Variants in ADGRG1 observed in about 807,000 individuals in gnomAD.
ADGRG1 encodes 7-transmembrane protein with no EGF-like N-terminal domains-1.
In ADGRG1, 53 loss-of-function variants were observed where a neutral mutation model predicts 73.5. The observed-to-expected ratio is 0.72, with a 90% CI of 0.58 to 0.91. The LOEUF (loss-of-function observed/expected upper bound fraction) is 0.91. Among genes scored for constraint, ADGRG1 ranks in the 40% least tolerant of loss-of-function variants. The probability of loss-of-function intolerance (pLI) is 0.00; values close to 1 mark genes in which losing one functional copy is unlikely to be tolerated. For missense variants in ADGRG1, 795 were observed against 871.8 expected (o/e 0.91, Z 1.11); for synonymous variants, 394 against 374.4 (o/e 1.05, Z -0.60).
At chr16:57,656,442 C>T in intron 8 of ADGRG1, 72 bp from the exon 9 acceptor site, 1 of 1,595,744 alleles carries the variant, frequency 6.3e-7, no homozygotes, top group South Asian at 1.1e-5. Flanking sequence ...CACAGTCGTG[C>T]TTTTGGGGGT....
intron 1 of ADGRG1, chr16:57,646,768 T>G (rs2148032220): frequency 1.1e-6 from 1 of 918,214 alleles, no homozygotes; most frequent in East Asian, 1.2e-4. Flanking sequence ...TGTCCGCATC[T>G]GTAAAATGGT....
At chr16:57,630,366 A>G in intron 1 of ADGRG1, 1 of 985,224 alleles carries the variant, frequency 1.0e-6, no homozygotes, top group Non-Finnish European at 1.2e-6. Context: ...GCCAGACCTG[A>G]CCCCTTCTTT....
upstream of ADGRG1, chr16:57,628,225 C>T (rs776525460): frequency 1.7e-5 from 16 of 966,170 alleles, no homozygotes; most frequent in Non-Finnish European, 1.7e-5. Flanking sequence ...CAGGAAAGGG[C>T]AGTTGTCGCC....
chr16:57,623,238 G>C, upstream of ADGRG1: 2 of 985,206 alleles, frequency 2.0e-6, no homozygotes, highest in Non-Finnish European at 2.4e-6. Flanking sequence ...AGAACCTTCC[G>C]GGGGTGGGGT....
At chr16:57,634,859 G>A (rs17325433) in intron 1 of ADGRG1, 7,829 of 565,226 alleles carry the variant, frequency 0.014, 59 homozygotes, top group African/African-American at 0.028. Context: ...CTTTCTAGCC[G>A]CATCAGGCCA....
chr16:57,628,625 T>C (rs188611910), upstream of ADGRG1: 127 of 985,468 alleles, frequency 1.3e-4, no homozygotes, highest in African/African-American at 2.1e-3. Flanking sequence ...GGTCCCTCCC[T>C]CTCCGCACTA....
intron 1 of ADGRG1, chr16:57,633,393 C>A (rs2038509982): frequency 2.0e-6 from 2 of 985,420 alleles, no homozygotes. Flanking sequence ...GTCTCTGATA[C>A]CTAAATGCGG....
At chr16:57,620,535 C>T (rs527405003), upstream of ADGRG1, among the ~76,000 whole-genome samples, 1 of 152,306 alleles carries the variant, frequency 6.6e-6, no homozygotes, top group East Asian at 1.9e-4. Flanking sequence ...TGAGCAGCTT[C>T]CTCCTGGGAT....
Position 57,651,892 on chromosome 16 carries a change from C to A in ADGRG1, c.487+270C>A, listed in dbSNP as rs999112072. ...TGAGGATGGAAGGGCAAGGGCCCGTCCTGAGGCTGCAGAGAAGGTCTTGGT... is the reference window on the plus strand; with the variant it reads ...TGAGGATGGAAGGGCAAGGGCCCGTACTGAGGCTGCAGAGAAGGTCTTGGT... On this transcript the variant is annotated intron_variant, in intron 3 of 13. Transcript: ENST00000562631. 3.6e-5 allele frequency: 51 copies of A among 1,405,788 alleles called. No homozygotes were observed. The Middle Eastern group carries it at 7.9e-4, about 22-fold the overall frequency. The allele number at this position is 1,405,788 out of a possible 1,614,324, so 87.1% of individuals were successfully genotyped here.
intron 11 of ADGRG1, 22 bp downstream of exon 11, chr16:57,659,703 G>T: frequency 6.2e-7 from 1 of 1,612,412 alleles, no homozygotes. Flanking sequence ...GGCGGGGGGT[G>T]CCTCAGACCT....
At chr16:57,660,135 T>C (rs2046728613) in intron 11 of ADGRG1, 1 of 385,446 alleles carries the variant, frequency 2.6e-6, no homozygotes, top group Non-Finnish European at 3.6e-6. Flanking sequence ...TCAATTCACC[T>C]GTGGCCAGCC....
At chr16:57,622,349 G>A (rs964946347) in intron 2 of ADGRG1, among the ~76,000 whole-genome samples, 1 of 152,124 alleles carries the variant, frequency 6.6e-6, no homozygotes, top group Admixed American at 6.5e-5. Flanking sequence ...GTGGAGTGAT[G>A]GGCAGTTTTG....
intron 1 of ADGRG1, chr16:57,646,239 C>G: frequency 3.3e-6 from 1 of 299,110 alleles, no homozygotes; most frequent in Non-Finnish European, 4.9e-6. Flanking sequence ...TGGCTCCACA[C>G]GGAAGTGACT....
At chr16:57,653,136 G>C (rs2044543178) in intron 3 of ADGRG1, 67 bp from the exon 4 acceptor site, 1 of 1,598,166 alleles carries the variant, frequency 6.3e-7, no homozygotes, top group Non-Finnish European at 8.5e-7. Flanking sequence ...GTGGTAGGGG[G>C]CAGAATGGGA....
chr16:57,634,639 AC>A, intron 1 of ADGRG1: 1 of 225,050 alleles, frequency 4.4e-6, no homozygotes, highest in Non-Finnish European at 7.4e-6. Flanking sequence ...TCCCCAGAGT[AC>A]CACAGATGGC....
At chr16:57,630,389 C>A (rs774261818) in intron 1 of ADGRG1, 10 of 985,610 alleles carry the variant, frequency 1.0e-5, no homozygotes, top group Non-Finnish European at 1.2e-5. Context: ...TGCAGGGACC[C>A]GAGATATGCA....
intron 11 of ADGRG1, 115 bp from the exon 12 acceptor site, chr16:57,660,653 G>A: frequency 6.6e-7 from 1 of 1,523,678 alleles, no homozygotes; most frequent in Non-Finnish European, 8.9e-7. Flanking sequence ...GGCTGGGTGG[G>A]CTTCAGGAGC....
Position 57,641,385 on chromosome 16 carries a change from C to T in ADGRG1, c.-35-8868C>T, listed in dbSNP as rs139500879. On this transcript the variant is annotated intron_variant, in intron 1 of 13. Transcript: ENST00000562631. ...GGCCAGGTGGAGACTTGGCCATGAACCTCTACGTGGCTGCAGACCACCCCA... is the reference window on the plus strand; with the variant it reads ...GGCCAGGTGGAGACTTGGCCATGAATCTCTACGTGGCTGCAGACCACCCCA... The T allele has an allele frequency of 1.9e-4, 183 of 981,164 alleles. No individual in the cohort carries two copies. In the African/African-American group the frequency reaches 2.5e-3, roughly 13 times the overall value. The allele number at this position is 981,164 out of a possible 1,614,324, so 60.8% of individuals were successfully genotyped here.
At chr16:57,648,353 G>T (rs2043190368) in intron 1 of ADGRG1, 1 of 553,838 alleles carries the variant, frequency 1.8e-6, no homozygotes, top group Admixed American at 6.3e-5. Context: ...TCACAACCTG[G>T]GAAATGGTGC....
Sources: gnomAD v4.1 joint callset for allele counts (sites outside exome capture counted in the v4.1 genomes callset) on GRCh38, gnomAD v4.1.1 for gene constraint, MANE v1.5 for transcripts, NCBI Gene and HGNC (gene_info 2026-07-23, HGNC 2026-07-21) for gene names.